Variants in PDE8B observed in about 807,000 individuals in gnomAD.
The protein encoded by PDE8B is high affinity cAMP-specific and IBMX-insensitive 3',5'-cyclic phosphodiesterase 8B.
Under a neutral mutation model 101.3 loss-of-function variants are expected in PDE8B, and 26 were observed. That is an observed-to-expected ratio of 0.26 (90% CI 0.19 to 0.36). The LOEUF (loss-of-function observed/expected upper bound fraction) is 0.36, where lower values mean the gene tolerates loss of function less well. Ranked by LOEUF, PDE8B falls within the 10% of genes least tolerant of loss-of-function variation. The pLI is 1.00. For missense variants in PDE8B, 810 were observed against 1,163.1 expected, an observed-to-expected ratio of 0.70 and a Z score of 4.42; for synonymous variants, 424 against 429.3, an observed-to-expected ratio of 0.99 and a Z score of 0.15.
chr5:77,169,638 T>C, the PDE8B span, among the ~76,000 whole-genome samples: 1 of 152,276 alleles, frequency 6.6e-6, no homozygotes, highest in African/African-American at 2.4e-5. Context: ...AAGATCAGCA[T>C]GTCTGGAAGG....
chr5:77,237,942 C>T (rs1435246920), intron 1 of PDE8B, among the ~76,000 whole-genome samples: 1 of 152,144 alleles, frequency 6.6e-6, no homozygotes, highest in Non-Finnish European at 1.5e-5. Flanking sequence ...CCCATGGTTT[C>T]TGGTGAGAAA....
At chr5:77,350,049 G>A (rs1780801511) in intron 8 of PDE8B, among the ~76,000 whole-genome samples, 1 of 152,068 alleles carries the variant, frequency 6.6e-6, no homozygotes, top group Admixed American at 6.5e-5. Flanking sequence ...CCTTCATCTG[G>A]GTAGATGAAG....
intron 1 of PDE8B, among the ~76,000 whole-genome samples, chr5:77,227,186 T>C (rs1251559185): frequency 6.6e-6 from 1 of 152,210 alleles, no homozygotes; most frequent in Non-Finnish European, 1.5e-5. Context: ...TAGATGTATA[T>C]TCTTTTGTAT....
intron 13 of PDE8B, among the ~76,000 whole-genome samples, 178 bp from the exon 14 acceptor site, chr5:77,408,715 C>G (rs1243318995): frequency 6.6e-6 from 1 of 152,094 alleles, no homozygotes; most frequent in Non-Finnish European, 1.5e-5. Flanking sequence ...AGAACATTCA[C>G]CAGGAGCCCG....
At chr5:77,181,976 G>T in the PDE8B span, among the ~76,000 whole-genome samples, 1 of 152,128 alleles carries the variant, frequency 6.6e-6, no homozygotes, top group African/African-American at 2.4e-5. Context: ...TTTTAACTTT[G>T]TAGAGGTTCG....
the PDE8B span, among the ~76,000 whole-genome samples, chr5:77,188,514 A>G: frequency 6.6e-6 from 1 of 152,166 alleles, no homozygotes; most frequent in Non-Finnish European, 1.5e-5. Context: ...TAAATACGGC[A>G]TGCACTGGGG....
chr5:77,342,059 C>T (rs1029982067), intron 6 of PDE8B, among the ~76,000 whole-genome samples: 3 of 152,180 alleles, frequency 2.0e-5, no homozygotes, highest in Non-Finnish European at 2.9e-5. Context: ...AAATATTGCA[C>T]TCCGCACGCA....
At chr5:77,260,157 C>CAAAAAAAAAAAAAAGAAAAAAA (rs1760188037) in intron 1 of PDE8B, among the ~76,000 whole-genome samples, 3 of 100,976 alleles carry the variant, frequency 3.0e-5, no homozygotes, top group East Asian at 2.7e-4. Flanking sequence ...AACTCCATCA[C>CAAAAAAAAAAAAAAGAAAAAAA]AAAAAAAAAA....
chr5:77,339,039 A>G (rs1473264147), intron 6 of PDE8B, among the ~76,000 whole-genome samples: 1 of 152,198 alleles, frequency 6.6e-6, no homozygotes, highest in Non-Finnish European at 1.5e-5. Flanking sequence ...AGGCCTGGAA[A>G]TTTGAAATAA....
chr5:77,424,656 A>G (rs2151225997), intron 20 of PDE8B, among the ~76,000 whole-genome samples: 1 of 152,366 alleles, frequency 6.6e-6, no homozygotes, highest in South Asian at 2.1e-4. Context: ...GACAACCAGC[A>G]GATTTTGGTA....
chr5:77,187,119 G>A, the PDE8B span, among the ~76,000 whole-genome samples: 27 of 152,148 alleles, frequency 1.8e-4, no homozygotes, highest in Non-Finnish European at 2.9e-5. Context: ...TAGGTGCATG[G>A]TTGATAATAC....
chr5:77,262,732 A>G (rs1760891580), intron 1 of PDE8B, among the ~76,000 whole-genome samples: 1 of 152,184 alleles, frequency 6.6e-6, no homozygotes, highest in South Asian at 2.1e-4. Context: ...GTGTCTGGAA[A>G]CCATTATGAC....
chr5:77,416,548 G>C (rs1330995367), intron 17 of PDE8B, among the ~76,000 whole-genome samples: 1 of 151,916 alleles, frequency 6.6e-6, no homozygotes, highest in African/African-American at 2.4e-5. Context: ...CAATCTCTGA[G>C]AACAGCTGAG....
intron 1 of PDE8B, among the ~76,000 whole-genome samples, chr5:77,267,802 T>C (rs903325119): frequency 6.6e-6 from 1 of 152,190 alleles, no homozygotes; most frequent in Non-Finnish European, 1.5e-5. Flanking sequence ...TGCGAAGTGA[T>C]TACAAGAGAT....
upstream of PDE8B, among the ~76,000 whole-genome samples, chr5:77,210,038 A>G (rs1410278093): frequency 6.6e-6 from 1 of 152,074 alleles, no homozygotes; most frequent in Non-Finnish European, 1.5e-5. This position sits in a 1 kb window ranked among gnomAD's most constrained non-coding sequence, Gnocchi z 4.9. Flanking sequence ...TCTCTCCATC[A>G]CTTCCCGGGT....
At chr5:77,103,582 G>C in the PDE8B span, among the ~76,000 whole-genome samples, 1 of 152,234 alleles carries the variant, frequency 6.6e-6, no homozygotes, top group Non-Finnish European at 1.5e-5. Flanking sequence ...TCTTGATGTA[G>C]CTGGAGCAGA....
chr5:77,171,180 T>C, the PDE8B span, among the ~76,000 whole-genome samples: 1 of 152,206 alleles, frequency 6.6e-6, no homozygotes, highest in Non-Finnish European at 1.5e-5. Context: ...GGAAAGGGAT[T>C]GGACTTAACA....
intron 10 of PDE8B, among the ~76,000 whole-genome samples, chr5:77,381,797 T>A (rs1271736525): frequency 6.6e-6 from 1 of 151,886 alleles, no homozygotes; most frequent in East Asian, 1.9e-4. Context: ...ATAAAATCTA[T>A]CCATCATAAA....
At chr5:77,307,323 C>A (rs1286842703) in intron 1 of PDE8B, among the ~76,000 whole-genome samples, 1 of 152,146 alleles carries the variant, frequency 6.6e-6, no homozygotes, top group Non-Finnish European at 1.5e-5. Flanking sequence ...TCCTTGATCT[C>A]CCCACCTCCC....
Sources: allele counts gnomAD v4.1 joint callset (sites outside exome capture counted in the v4.1 genomes callset), GRCh38; gene constraint gnomAD v4.1.1; non-coding constraint Gnocchi (gnomAD v3.1); transcripts MANE v1.5; gene names NCBI Gene and HGNC (gene_info 2026-07-23, HGNC 2026-07-21).